Variants in MYH15 observed in about 807,000 individuals in gnomAD.
MYH15 encodes the protein myosin heavy chain 15, also known as myosin-15.
A neutral mutation model predicts 240.5 loss-of-function variants in MYH15; 227 were observed. That is an observed-to-expected ratio of 0.94 (90% confidence interval 0.85 to 1.05). The LOEUF is 1.05. Ranked by LOEUF, MYH15 falls within the 50% of genes least tolerant of loss-of-function variation. The probability of loss-of-function intolerance (pLI) is 0.00; values close to 1 mark genes in which losing one functional copy is unlikely to be tolerated. For missense variants in MYH15, 2,217 were observed against 2,247.5 expected (o/e 0.99, Z 0.27); for synonymous variants, 785 against 796.7 (o/e 0.99, Z 0.25).
intron 33 of MYH15, among the ~76,000 whole-genome samples, chr3:108,404,080 C>T (rs1397909664): frequency 1.3e-5 from 2 of 151,466 alleles, no homozygotes; most frequent in Admixed American, 6.6e-5. Flanking sequence ...TTTTGCCCTT[C>T]ATCAAAAAAA....
intron 9 of MYH15, among the ~76,000 whole-genome samples, chr3:108,490,253 A>C (rs2083336578): frequency 6.6e-6 from 1 of 152,232 alleles, no homozygotes; most frequent in Admixed American, 6.5e-5. Context: ...TCTCGTTTGC[A>C]GAGCTTTCCC....
chr3:108,470,603 T>TC, intron 13 of MYH15, 95 bp downstream of exon 13: 1 of 1,311,862 alleles, frequency 7.6e-7, no homozygotes. Flanking sequence ...CATAGAATGA[T>TC]CCCCATGCTT....
chr3:108,450,133 G>A (rs2082960452), intron 21 of MYH15, among the ~76,000 whole-genome samples: 1 of 151,976 alleles, frequency 6.6e-6, no homozygotes, highest in African/African-American at 2.4e-5. Flanking sequence ...CAGCCATTAT[G>A]GAAAACAGTA....
chr3:108,397,771 T>C (rs1223067363), intron 35 of MYH15, among the ~76,000 whole-genome samples: 1 of 152,140 alleles, frequency 6.6e-6, no homozygotes, highest in Non-Finnish European at 1.5e-5. Context: ...CACTCAGAAT[T>C]GTTAGGGCTT....
intron 27 of MYH15, among the ~76,000 whole-genome samples, chr3:108,423,696 A>G (rs771097079): frequency 9.9e-5 from 15 of 152,232 alleles, no homozygotes; most frequent in Non-Finnish European, 1.8e-4. Flanking sequence ...TACAAATGAG[A>G]AAACTGAGCA....
chr3:108,459,126 T>C (rs762455919), intron 18 of MYH15, among the ~76,000 whole-genome samples: 3 of 152,166 alleles, frequency 2.0e-5, no homozygotes, highest in African/African-American at 4.8e-5. Context: ...AATAGTAATA[T>C]CAAACATTCT....
chr3:108,459,377 C>T lies in MYH15; in HGVS notation c.2005G>A (p.Val669Met). 6.3e-7 allele frequency: 1 copy of T among 1,595,338 alleles called. No individual in the cohort carries two copies. Among genetic ancestry groups the T allele is most frequent in the Non-Finnish European group, 8.5e-7 (1 of 1,170,120 alleles). ...TAGTTCTTACCTGGTATTTTGTTCA[C>T]ATTGGGATTTATGCATCTCACAAAA... ...PHFVRCINPN[V>M]NKIPGILDPY... Residue 669 changes from valine (V) to methionine (M), a missense_variant, in exon 18 of 41, where the codon GTG (valine) becomes ATG (methionine). Transcript: ENST00000693548.
chr3:108,462,217 G>A (rs2083077253), intron 16 of MYH15, among the ~76,000 whole-genome samples: 1 of 152,072 alleles, frequency 6.6e-6, no homozygotes. Context: ...CAGTGAGGCT[G>A]GTGTTAACAA....
At chr3:108,439,705 A>G in intron 24 of MYH15, 32 bp downstream of exon 24, 1 of 1,509,288 alleles carries the variant, frequency 6.6e-7, no homozygotes, top group Non-Finnish European at 8.9e-7. Flanking sequence ...ATGTAGACAG[A>G]TAGATAACTA....
chr3:108,526,579 G>A (rs73850519), intron 1 of MYH15, among the ~76,000 whole-genome samples: 409 of 146,688 alleles, frequency 2.8e-3, no homozygotes, highest in African/African-American at 0.011. Flanking sequence ...TAAGACCCCT[G>A]ATAGTTACTT....
At chr3:108,443,863 ATT>A (rs11328230) in intron 22 of MYH15, among the ~76,000 whole-genome samples, 4,116 of 144,542 alleles carry the variant, frequency 0.028, 170 homozygotes, top group African/African-American at 0.092. Context: ...AGGCATCTTT[ATT>A]TTTTTTTTTT....
chr3:108,445,507 T>G (rs893799615), intron 21 of MYH15, among the ~76,000 whole-genome samples: 2 of 151,856 alleles, frequency 1.3e-5, no homozygotes, highest in Admixed American at 1.3e-4. Flanking sequence ...TCCAAGAAAT[T>G]AGCACAGTGA....
chr3:108,387,194 C>A (rs1316353972), intron 38 of MYH15, among the ~76,000 whole-genome samples: 1 of 152,112 alleles, frequency 6.6e-6, no homozygotes, highest in Non-Finnish European at 1.5e-5. Context: ...TTTAATTGCA[C>A]CTAGGAATGG....
chr3:108,383,519 TAC>T, intron 40 of MYH15, 74 bp downstream of exon 40: 1 of 1,476,020 alleles, frequency 6.8e-7, no homozygotes, highest in Non-Finnish European at 9.1e-7. Flanking sequence ...TTTCTTGTTA[TAC>T]TGGTCCATGC....
At chr3:108,477,182 A>C (rs9839542) in intron 11 of MYH15, among the ~76,000 whole-genome samples, 31,650 of 152,116 alleles carry the variant, frequency 0.21, 4,282 homozygotes, top group Non-Finnish European at 0.3. Flanking sequence ...CATGGCTGAA[A>C]CTTGAAAACA....
At chr3:108,408,190 G>A (rs1486708707) in intron 32 of MYH15, 90 bp downstream of exon 32, 6 of 1,377,572 alleles carry the variant, frequency 4.4e-6, no homozygotes, top group African/African-American at 2.9e-5. Context: ...ATTTGAATAC[G>A]TGTCCTTTTG....
chr3:108,453,006 G>T (rs2082987174), intron 21 of MYH15, among the ~76,000 whole-genome samples: 1 of 152,086 alleles, frequency 6.6e-6, no homozygotes, highest in Admixed American at 6.6e-5. Flanking sequence ...TCTTCATGAT[G>T]GCTCCATGAG....
In MYH15 at chr3:108,470,745, G is replaced by T. The variant is rs2083166510; in HGVS notation, c.1336C>A (p.Gln446Lys). Reference protein sequence around the residue: ...NRALDAKLSRQFFIGILDITG... With the variant: ...NRALDAKLSRKFFIGILDITG... ...ATGTCAAGAATGCCAATGAAGAACT[G>T]CCTTGACAGCTTGGCATCCAGGGCC... Residue 446 changes from glutamine to lysine, a missense_variant, in exon 13 of 41, where the codon CAG (glutamine) becomes AAG (lysine). Transcript: ENST00000693548. The T allele has an allele frequency of 1.2e-6, 2 of 1,613,698 alleles. No individual in the cohort carries two copies. The highest frequency in any genetic ancestry group is 2.2e-5 in the East Asian group (1 of 44,844).
chr3:108,386,730 A>C (rs1223418685), intron 38 of MYH15, among the ~76,000 whole-genome samples: 1 of 151,834 alleles, frequency 6.6e-6, no homozygotes, highest in South Asian at 2.1e-4. Context: ...ATCTAACTCT[A>C]TCCTGGCATT....
Sources: allele counts gnomAD v4.1 joint callset (sites outside exome capture counted in the v4.1 genomes callset), GRCh38; gene constraint gnomAD v4.1.1; transcripts MANE v1.5; gene names NCBI Gene and HGNC (gene_info 2026-07-23, HGNC 2026-07-21).